The following MGMT variants were observed in gnomAD, a reference collection of about 807,000 sequenced individuals.
MGMT encodes the protein O-6-methylguanine-DNA methyltransferase.
Under a neutral mutation model 15.9 loss-of-function variants are expected in MGMT, and 14 were observed. That is an observed-to-expected ratio of 0.88 (90% CI 0.58 to 1.37). The LOEUF is 1.37. MGMT is among the 40% of genes most tolerant of loss of function. The pLI is 0.00. For missense variants in MGMT, 282 were observed against 268.1 expected (o/e 1.05, Z -0.36); for synonymous variants, 130 against 118.2 (o/e 1.10, Z -0.65).
chr10:129,572,224 G>T (rs1357075725), intron 2 of MGMT, among the ~76,000 whole-genome samples: 1 of 152,142 alleles, frequency 6.6e-6, no homozygotes. Flanking sequence ...GTTATCTTAG[G>T]AGTAGTTAAT....
chr10:129,740,551 T>C (rs1848620014), intron 3 of MGMT, among the ~76,000 whole-genome samples: 1 of 152,218 alleles, frequency 6.6e-6, no homozygotes, highest in Non-Finnish European at 1.5e-5. Flanking sequence ...TGAGCTCATT[T>C]ACCCTCAGAT....
chr10:129,739,839 A>G (rs75401187), intron 3 of MGMT, among the ~76,000 whole-genome samples: 1,560 of 152,244 alleles, frequency 0.01, 21 homozygotes, highest in South Asian at 0.042. Flanking sequence ...GCCTAAGACA[A>G]TTCTTCCAGT....
intron 2 of MGMT, among the ~76,000 whole-genome samples, chr10:129,661,343 T>G (rs946191365): frequency 6.6e-6 from 1 of 152,192 alleles, no homozygotes; most frequent in African/African-American, 2.4e-5. Context: ...CACATTTAAA[T>G]GTTCACGGAT....
chr10:129,587,711 C>G (rs903748346), intron 2 of MGMT, among the ~76,000 whole-genome samples: 1 of 151,864 alleles, frequency 6.6e-6, no homozygotes, highest in African/African-American at 2.4e-5. Context: ...GCTGGGATTA[C>G]AGGTGTGAGC....
At chr10:129,560,496 C>T (rs753769968) in intron 2 of MGMT, among the ~76,000 whole-genome samples, 13 of 152,278 alleles carry the variant, frequency 8.5e-5, no homozygotes, top group Admixed American at 3.3e-4. Flanking sequence ...ACTCTGCATT[C>T]GTGGCTAAAC....
intron 1 of MGMT, among the ~76,000 whole-genome samples, chr10:129,497,913 G>A (rs1845539052): frequency 6.6e-6 from 1 of 152,192 alleles, no homozygotes; most frequent in African/African-American, 2.4e-5. Flanking sequence ...CTTGATCTTG[G>A]ACTTCACAGC....
chr10:129,690,540 C>A (rs890215715), intron 2 of MGMT, among the ~76,000 whole-genome samples: 2 of 152,190 alleles, frequency 1.3e-5, no homozygotes, highest in Non-Finnish European at 2.9e-5. Flanking sequence ...TTGGAGGTGC[C>A]ATATGCTGCT....
chr10:129,467,363 G>T (rs1415101859), intron 1 of MGMT, 67 bp downstream of exon 1: 4 of 1,463,272 alleles, frequency 2.7e-6, no homozygotes, highest in Non-Finnish European at 3.6e-6. Flanking sequence ...TGGCAGCCTC[G>T]AGTGGTCCTG....
chr10:129,527,039 G>T (rs535086478), intron 1 of MGMT, among the ~76,000 whole-genome samples: 124 of 152,354 alleles, frequency 8.1e-4, no homozygotes, highest in African/African-American at 2.9e-3. Flanking sequence ...GGATGCCGTG[G>T]TGGTGCCGGG....
chr10:129,609,575 C>G (rs1846935137), intron 2 of MGMT, among the ~76,000 whole-genome samples: 2 of 152,206 alleles, frequency 1.3e-5, no homozygotes, highest in Admixed American at 1.3e-4. Context: ...TGGGGCATAA[C>G]CCACTTCTTT....
intron 2 of MGMT, among the ~76,000 whole-genome samples, chr10:129,620,317 G>A (rs1428142506): frequency 2.0e-5 from 3 of 152,200 alleles, no homozygotes; most frequent in Non-Finnish European, 2.9e-5. Context: ...CCCTGCCATT[G>A]TGTGCAGTCT....
At chr10:129,707,715 C>T (rs1481453222) in intron 2 of MGMT, among the ~76,000 whole-genome samples, 180 bp from the exon 3 acceptor site, 1 of 152,122 alleles carries the variant, frequency 6.6e-6, no homozygotes, top group Non-Finnish European at 1.5e-5. Context: ...AGAGTGGTTG[C>T]GGGGCCTCGG....
intron 3 of MGMT, among the ~76,000 whole-genome samples, chr10:129,756,544 A>C (rs1848808386): frequency 6.6e-6 from 1 of 152,144 alleles, no homozygotes; most frequent in Non-Finnish European, 1.5e-5. Flanking sequence ...ATCTCAGATC[A>C]CTGCAACCTC....
intron 1 of MGMT, among the ~76,000 whole-genome samples, chr10:129,467,662 G>T (rs934191373): frequency 6.6e-6 from 1 of 152,216 alleles, no homozygotes; most frequent in Non-Finnish European, 1.5e-5. Flanking sequence ...GCTTCCAGAA[G>T]CCCCTGCGCG....
At chr10:129,650,066 T>C (rs936065661) in intron 2 of MGMT, among the ~76,000 whole-genome samples, 1 of 152,246 alleles carries the variant, frequency 6.6e-6, no homozygotes, top group Non-Finnish European at 1.5e-5. Context: ...TAATTATTAA[T>C]TCATGCAAGA....
intron 3 of MGMT, 77 bp from the exon 4 acceptor site, chr10:129,759,125 T>C: frequency 6.4e-7 from 1 of 1,553,654 alleles, no homozygotes; most frequent in Non-Finnish European, 8.8e-7. Context: ...TTTCCTGTTT[T>C]GGGACTAGTG....
intron 3 of MGMT, among the ~76,000 whole-genome samples, chr10:129,718,350 G>T (rs917518509): frequency 1.3e-5 from 2 of 152,164 alleles, no homozygotes; most frequent in Non-Finnish European, 2.9e-5. Flanking sequence ...CCGTCTGATC[G>T]TATAGTTAGG....
intron 2 of MGMT, among the ~76,000 whole-genome samples, chr10:129,638,211 G>A (rs1484913541): frequency 2.0e-5 from 3 of 151,912 alleles, no homozygotes; most frequent in African/African-American, 7.3e-5. Context: ...AACTCAACCC[G>A]GTGGTTATAC....
chr10:129,664,007 G>A (rs1027782642), intron 2 of MGMT, among the ~76,000 whole-genome samples: 7 of 152,118 alleles, frequency 4.6e-5, no homozygotes, highest in Non-Finnish European at 1.0e-4. Flanking sequence ...ATAGTATATT[G>A]TAAGGAAAAT....
Sources: gnomAD v4.1 joint callset for allele counts (sites outside exome capture counted in the v4.1 genomes callset) on GRCh38, gnomAD v4.1.1 for gene constraint, MANE v1.5 for transcripts, NCBI Gene and HGNC (gene_info 2026-07-23, HGNC 2026-07-21) for gene names.